PLXNA4: variants seen among roughly 807,000 people sequenced by gnomAD.
The protein encoded by PLXNA4 is plexin A4.
In PLXNA4, 44 loss-of-function variants were observed where a neutral mutation model predicts 191.8. That is an observed-to-expected ratio of 0.23 (90% CI 0.18 to 0.29). The LOEUF is 0.29. Ranked by LOEUF, PLXNA4 falls within the 10% of genes least tolerant of loss-of-function variation. The pLI is 1.00. For missense variants in PLXNA4, 1,800 were observed against 2,488.8 expected (o/e 0.72, Z 5.89); for synonymous variants, 1,082 against 1,009.5 (o/e 1.07, Z -1.36).
At chr7:132,540,234 A>G (rs918348426) in intron 1 of PLXNA4, among the ~76,000 whole-genome samples, 1 of 152,172 alleles carries the variant, frequency 6.6e-6, no homozygotes, top group Non-Finnish European at 1.5e-5. Context: ...AGAATACGCT[A>G]AACAATCACA....
Position 132,223,622 on chromosome 7 carries a change from T to C in PLXNA4, c.2002A>G (p.Ser668Gly). 6.2e-7 allele frequency: 1 copy of C among 1,613,454 alleles called. No individual in the cohort carries two copies. The highest frequency in any genetic ancestry group is 8.5e-7 in the Non-Finnish European group (1 of 1,179,768). ...TTACACCAGTGGCAGCGGTATGGAC[T>C]CTCCACGCAGGACAGGCACCTGGGC... ...VHNSCLSCVE[S>G]PYRCHWCKYR... Residue 668 changes from serine to glycine, a missense_variant, in exon 9 of 32, where the codon AGT (serine) becomes GGT (glycine). Physicochemically the swap from Ser to Gly is moderately conservative, Grantham distance 56 (BLOSUM62 0). Coordinates refer to ENST00000321063, the MANE Select transcript of PLXNA4 (RefSeq NM_020911.2).
intron 3 of PLXNA4, among the ~76,000 whole-genome samples, chr7:132,390,939 A>G (rs949105788): frequency 1.3e-5 from 2 of 152,222 alleles, no homozygotes; most frequent in African/African-American, 4.8e-5. Context: ...AAAGCCGGTA[A>G]GCAGAGAAGG....
rs1204245793 is a variant in PLXNA4 at position 132,234,680 on chromosome 7, T to C, written c.1605-6211A>G. 2.6e-5 allele frequency among the ~76,000 whole-genome samples: 4 copies of C among 151,476 alleles called. No individual in the cohort carries two copies. In the East Asian group the frequency reaches 7.9e-4, roughly 30 times the overall value. On this transcript the variant is annotated intron_variant, in intron 5 of 31. Transcript: ENST00000321063. The stretch of plus-strand genomic sequence containing the variant: ...GCAGGGTTAAAAAAGAAAAGGCCCA[T>C]TTCCTTAAGTCATACTATGTCTCTG...
chr7:132,368,122 T>C (rs998940154), intron 3 of PLXNA4: 1 of 152,132 alleles, frequency 6.6e-6, no homozygotes, highest in African/African-American at 2.4e-5. Context: ...GTCTTGGAAA[T>C]GGGCTGGACA....
rs1195206137 is a variant in PLXNA4 at position 132,148,626 on chromosome 7, C to A, written c.4681G>T (p.Ala1561Ser). ...MDLEWRQGSG[A>S]RMILQDEDIT... ...TCTTCATCCTGCAAGATCATCCTTG[C>A]CCCACTTCCTTGTCGCCACTCTGCC... is the stretch of plus-strand genomic sequence containing the variant. Residue 1561 changes from alanine (A) to serine (S), a missense_variant, in exon 26 of 32, where the codon GCA (alanine) becomes TCA (serine). Transcript: ENST00000321063. 1.5e-5 allele frequency: 25 copies of A among 1,614,168 alleles called. No homozygotes were observed. The highest frequency in any genetic ancestry group is 2.1e-5 in the Non-Finnish European group (25 of 1,180,016).
intron 12 of PLXNA4, among the ~76,000 whole-genome samples, chr7:132,199,165 C>G (rs1163662861): frequency 1.3e-5 from 2 of 152,176 alleles, no homozygotes; most frequent in Non-Finnish European, 2.9e-5. Context: ...TGTGCCTGTT[C>G]TTCATCCTTC....
chr7:132,524,676 T>C lies in PLXNA4; in HGVS notation c.-86-15897A>G, dbSNP rs541863303. On this transcript the variant is annotated intron_variant, in intron 1 of 31. Coordinates refer to ENST00000321063, the MANE Select transcript of PLXNA4 (RefSeq NM_020911.2). The stretch of plus-strand genomic sequence containing the variant: ...CTACAACCTCTGCCTCCCGGGTTCA[T>C]GCCATTCTCCTGCCTCAGCCTCCTG... Among the ~76,000 whole-genome samples the C allele has an allele frequency of 3.3e-5, 5 of 152,168 alleles. No homozygotes were observed. In the East Asian group the frequency reaches 9.7e-4, roughly 30 times the overall value.
intron 22 of PLXNA4, among the ~76,000 whole-genome samples, chr7:132,166,014 T>C (rs1292176512): frequency 6.6e-6 from 1 of 152,094 alleles, no homozygotes; most frequent in Non-Finnish European, 1.5e-5. Context: ...CTGGCCAACA[T>C]GGTGAAACCC....
At chr7:132,509,389 T>C (rs1317616670) in intron 1 of PLXNA4, among the ~76,000 whole-genome samples, 1 of 152,218 alleles carries the variant, frequency 6.6e-6, no homozygotes, top group African/African-American at 2.4e-5. Context: ...GCCACACTTT[T>C]ATGAATAGCC....
rs1188144700 is a variant in PLXNA4, at chr7:132,203,224, C to CG, written c.2395+98dup. ...AGGGAGAGGGACAGCCACTAGGAGG[C>CG]GGGGGCAGAATGACTCCCGCGAGAA... On this transcript the variant is annotated intron_variant, in intron 11 of 31. Transcript: ENST00000321063. The CG allele has an allele frequency of 5.2e-5, 56 of 1,077,770 alleles. No individual in the cohort carries two copies. In the East Asian group the frequency reaches 1.2e-3, roughly 23 times the overall value. 66.8% of individuals were successfully genotyped at this position (1,077,770 alleles called of 1,614,324 possible).
At chr7:132,140,942 G>C in intron 29 of PLXNA4, 131 bp from the exon 30 acceptor site, 4 of 1,444,262 alleles carry the variant, frequency 2.8e-6, no homozygotes, top group Non-Finnish European at 3.7e-6. Context: ...TCTATGCTGC[G>C]GATGGGATGT....
At chr7:132,157,630 T>C (rs1488731373) in intron 25 of PLXNA4, among the ~76,000 whole-genome samples, 1 of 152,202 alleles carries the variant, frequency 6.6e-6, no homozygotes, top group Admixed American at 6.5e-5. Context: ...CCTGCTCCTA[T>C]CACAGCTCCC....
At chr7:132,610,346 G>T (rs2116852877) in intron 2 of PLXNA4, among the ~76,000 whole-genome samples, 1 of 152,292 alleles carries the variant, frequency 6.6e-6, no homozygotes, top group African/African-American at 2.4e-5. Context: ...CTGGGAAGTG[G>T]AGCTATGCTG....
intron 2 of PLXNA4, among the ~76,000 whole-genome samples, chr7:132,596,356 T>C (rs10268473): frequency 0.98 from 149,997 of 152,296 alleles, 73,912 homozygotes; most frequent in East Asian, 1. Context: ...TCTCTCTCCA[T>C]TGAGTGAGGT....
At chr7:132,156,413 C>G (rs1584773853) in intron 25 of PLXNA4, among the ~76,000 whole-genome samples, 1 of 152,236 alleles carries the variant, frequency 6.6e-6, no homozygotes, top group East Asian at 1.9e-4. Flanking sequence ...AAAAGCCAAG[C>G]AAGAGCCGGG....
chr7:132,303,457 T>A (rs1467054838), intron 3 of PLXNA4, among the ~76,000 whole-genome samples: 1 of 151,682 alleles, frequency 6.6e-6, no homozygotes, highest in Non-Finnish European at 1.5e-5. Context: ...TAGTCCCAGC[T>A]ACTCGGGATG....
intron 2 of PLXNA4, among the ~76,000 whole-genome samples, chr7:132,609,434 G>A: frequency 6.6e-6 from 1 of 152,096 alleles, no homozygotes; most frequent in East Asian, 1.9e-4. Flanking sequence ...TGTGGTTTGT[G>A]GGCAATGTCC....
chr7:132,393,984 C>CTTTT (rs768881083), intron 3 of PLXNA4, among the ~76,000 whole-genome samples: 1 of 137,582 alleles, frequency 7.3e-6, no homozygotes, highest in African/African-American at 2.7e-5. Flanking sequence ...ACCCCACCCT[C>CTTTT]TTTTTTTTTT....
chr7:132,373,421 T>C (rs1436953979), intron 3 of PLXNA4, among the ~76,000 whole-genome samples: 3 of 152,128 alleles, frequency 2.0e-5, no homozygotes, highest in African/African-American at 4.8e-5. Flanking sequence ...CCTCCGTAGC[T>C]CTGGATGTGC....
Sources: allele counts gnomAD v4.1 joint callset (sites outside exome capture counted in the v4.1 genomes callset), GRCh38; gene constraint gnomAD v4.1.1; transcripts MANE v1.5; gene names NCBI Gene and HGNC (gene_info 2026-07-23, HGNC 2026-07-21).